PTER: variants seen among roughly 807,000 people sequenced by gnomAD.
PTER encodes phosphotriesterase related, also known as N-acetyltaurine hydrolase.
A neutral mutation model predicts 29.6 loss-of-function variants in PTER; 38 were observed. The ratio of observed to expected loss-of-function variants is 1.28; its 90% confidence interval spans 0.99 to 1.68. The LOEUF (loss-of-function observed/expected upper bound fraction) is 1.68. Ranked by LOEUF, PTER falls within the 40% of genes most tolerant of loss-of-function variation. The pLI is 0.00. For missense variants in PTER, 482 were observed against 427.8 expected, an observed-to-expected ratio of 1.13 and a Z score of -1.12; for synonymous variants, 172 against 154.5, an observed-to-expected ratio of 1.11 and a Z score of -0.84.
chr10:16,442,447 G>C (rs1833881119), intron 1 of PTER, among the ~76,000 whole-genome samples: 1 of 152,194 alleles, frequency 6.6e-6, no homozygotes, highest in Admixed American at 6.6e-5. Flanking sequence ...GCCCTGAGCT[G>C]TCATCTGATT....
chr10:16,437,843 C>T (rs935762379), intron 1 of PTER, among the ~76,000 whole-genome samples: 29 of 152,282 alleles, frequency 1.9e-4, no homozygotes, highest in African/African-American at 6.3e-4. Flanking sequence ...TGCTGTTACT[C>T]TCTTAGACTA....
At chr10:16,503,599 T>A (rs563528942) in intron 3 of PTER, among the ~76,000 whole-genome samples, 2 of 152,056 alleles carry the variant, frequency 1.3e-5, no homozygotes, top group South Asian at 4.1e-4. Flanking sequence ...AGAGATGGGG[T>A]TTCGCCATGT....
chr10:16,474,713 C>A (rs1476109083), intron 1 of PTER, among the ~76,000 whole-genome samples: 1 of 152,028 alleles, frequency 6.6e-6, no homozygotes, highest in Non-Finnish European at 1.5e-5. Context: ...TGGTGAAACT[C>A]CGTCTCCGCT....
intron 1 of PTER, among the ~76,000 whole-genome samples, chr10:16,444,080 C>A (rs1162588783): frequency 1.3e-5 from 2 of 151,040 alleles, no homozygotes; most frequent in East Asian, 3.9e-4. Flanking sequence ...CGGCTGACTG[C>A]AACCTCTGCC....
chr10:16,509,752 A>G (rs967554880), intron 4 of PTER, among the ~76,000 whole-genome samples: 1 of 152,234 alleles, frequency 6.6e-6, no homozygotes, highest in African/African-American at 2.4e-5. Context: ...ACAAATTTCA[A>G]TGAGGCAAAA....
intron 1 of PTER, among the ~76,000 whole-genome samples, chr10:16,467,890 GC>G (rs1834898751): frequency 6.6e-6 from 1 of 152,146 alleles, no homozygotes; most frequent in Admixed American, 6.6e-5. Context: ...AGCAAACCTG[GC>G]TTCAAAATCC....
intron 4 of PTER, among the ~76,000 whole-genome samples, chr10:16,509,768 T>C (rs11599219): frequency 0.095 from 14,399 of 152,206 alleles, 777 homozygotes; most frequent in East Asian, 0.23. Context: ...CAAAAAATCA[T>C]AGTGGCACAA....
Position 16,477,258 on chromosome 10 carries a change from C to CGATAGATGATA in PTER, c.-48-7072_-48-7071insGATAGATAGAT, listed in dbSNP as rs1835304093. 1.6e-4 allele frequency among the ~76,000 whole-genome samples: 24 copies of CGATAGATGATA among 148,004 alleles called. No homozygotes were observed. The South Asian group carries it at 5.0e-3, about 31-fold the overall frequency. On this transcript the variant is annotated intron_variant, in intron 1 of 4. Transcript: ENST00000535784. ...TGAACTGGAAATTCATTCTGTCTTT[C>CGATAGATGATA]GATAGATAGATAGATAGATAGATAG...
At chr10:16,481,893 T>C (rs1272781443) in intron 1 of PTER, among the ~76,000 whole-genome samples, 4 of 152,184 alleles carry the variant, frequency 2.6e-5, no homozygotes, top group Non-Finnish European at 5.9e-5. Context: ...AATGGTACTG[T>C]GATTTCATCA....
At chr10:16,514,590 C>A, downstream of PTER, 2 of 1,613,888 alleles carry the variant, frequency 1.2e-6, no homozygotes, top group Non-Finnish European at 1.7e-6. Context: ...CCTCCATGGG[C>A]TTTCCCGCCA....
chr10:16,453,357 GACAC>G (rs1834282304), intron 1 of PTER, among the ~76,000 whole-genome samples: 1 of 152,096 alleles, frequency 6.6e-6, no homozygotes, highest in Non-Finnish European at 1.5e-5. Flanking sequence ...CATATATACA[GACAC>G]ACATATATAC....
intron 1 of PTER, among the ~76,000 whole-genome samples, chr10:16,473,519 G>GAAA (rs72001271): frequency 3.2e-4 from 9 of 28,168 alleles, no homozygotes; most frequent in Admixed American, 6.5e-4. Context: ...GACTCCATCC[G>GAAA]AAAAAAAAAA....
intron 3 of PTER, among the ~76,000 whole-genome samples, chr10:16,492,335 A>G (rs1177396023): frequency 2.0e-5 from 3 of 152,206 alleles, no homozygotes; most frequent in African/African-American, 7.2e-5. Flanking sequence ...GTCTTAATCT[A>G]TGAAGGCTTT....
chr10:16,474,302 A>G (rs1835172288), intron 1 of PTER, among the ~76,000 whole-genome samples: 1 of 152,204 alleles, frequency 6.6e-6, no homozygotes, highest in South Asian at 2.1e-4. Flanking sequence ...TTTTTTCATC[A>G]CTGGGGTACA....
intron 1 of PTER, among the ~76,000 whole-genome samples, chr10:16,446,047 C>T (rs922234441): frequency 2.6e-5 from 4 of 152,166 alleles, no homozygotes; most frequent in African/African-American, 9.6e-5. Flanking sequence ...TCTCTTTCTC[C>T]TGTGTGCCAG....
In PTER at chr10:16,486,364, C is replaced by G. The variant is rs754236880; in HGVS notation, c.445C>G (p.Leu149Val). 6.2e-7 allele frequency: 1 copy of G among 1,613,476 alleles called. No individual in the cohort carries two copies. Among genetic ancestry groups the G allele is most frequent in the South Asian group, 1.1e-5 (1 of 91,054 alleles). The change falls in exon 3 of 5, where the codon CTT (leucine) becomes GTT (valine). Residue 149 changes from leucine to valine, a missense_variant. Transcript: ENST00000535784. ...CACTCTTCCTTAGCTTACCGATGTC[C>G]TTATGAATGAAATTCTCCATGGAGC... Reference protein sequence around the residue: ...AMSVEQLTDVLMNEILHGADG... With the variant: ...AMSVEQLTDVVMNEILHGADG...
intron 3 of PTER, among the ~76,000 whole-genome samples, chr10:16,500,561 T>C (rs1307277756): frequency 3.3e-5 from 5 of 152,274 alleles, no homozygotes; most frequent in African/African-American, 7.2e-5. Flanking sequence ...CAGGGGTTAC[T>C]TTTGAAACTT....
chr10:16,507,424 T>C lies in PTER; in HGVS notation c.839+2264T>C, dbSNP rs535982635. Among the ~76,000 whole-genome samples the C allele has an allele frequency of 3.3e-5, 5 of 152,092 alleles. No homozygotes were observed. The South Asian group carries it at 8.3e-4, about 25-fold the overall frequency. On this transcript the variant is annotated intron_variant, in intron 4 of 4. Coordinates refer to ENST00000535784, the MANE Select transcript of PTER (RefSeq NM_001261836.2). ...ATAATTATGAGAACAGAAAAGTGGT[T>C]GCCGTGGAAGTAGCAAAGCTGGAAT...
intron 1 of PTER, among the ~76,000 whole-genome samples, chr10:16,481,856 C>A (rs1227290019): frequency 6.6e-6 from 1 of 152,146 alleles, no homozygotes; most frequent in Non-Finnish European, 1.5e-5. Context: ...GGCAAATTAA[C>A]CCATATGGAA....
Sources: allele counts gnomAD v4.1 joint callset (sites outside exome capture counted in the v4.1 genomes callset), GRCh38; gene constraint gnomAD v4.1.1; transcripts MANE v1.5; gene names NCBI Gene and HGNC (gene_info 2026-07-23, HGNC 2026-07-21).